RPH3A: variants seen among roughly 807,000 people sequenced by gnomAD.
RPH3A encodes the protein rabphilin-3A.
RPH3A carries 48 observed loss-of-function variants against 102.2 expected under a neutral mutation model. The ratio of observed to expected loss-of-function variants is 0.47; its 90% CI spans 0.37 to 0.60. The LOEUF (loss-of-function observed/expected upper bound fraction) is 0.60. RPH3A is among the 20% of genes least tolerant of loss of function. The pLI, the probability that RPH3A is intolerant of heterozygous loss-of-function variation, is 0.00. For missense variants in RPH3A, 781 were observed against 910.1 expected (o/e 0.86, Z 1.83); for synonymous variants, 310 against 324.3 (o/e 0.96, Z 0.47).
At position 112,876,701 on chromosome 12, in the gene RPH3A, G is replaced by C; in HGVS notation, c.1006G>C (p.Val336Leu). The change falls in exon 13 of 22, where the codon GTC (valine) becomes CTC (leucine). Residue 336 changes from valine (V) to leucine (L), a missense_variant. This residue lies in a region of RPH3A where 730 missense variants were observed against 810.0 expected (regional missense o/e 0.90). Coordinates refer to ENST00000389385, the MANE Select transcript of RPH3A (RefSeq NM_001143854.2). ...APPREERTGG[V>L]GGYPAVGARE... ...ACCCCGAGAGGAGAGAACAGGGGGAGTCGGGGGCTACCCAGCAGTTGGAGC... is the reference window on the plus strand; with the variant it reads ...ACCCCGAGAGGAGAGAACAGGGGGACTCGGGGGCTACCCAGCAGTTGGAGC... The C allele has an allele frequency of 3.1e-6, 5 of 1,613,612 alleles. No individual in the cohort carries two copies. The highest frequency in any genetic ancestry group is 4.2e-6 in the Non-Finnish European group (5 of 1,179,788).
chr12:112,590,243 C>T lies in RPH3A; in HGVS notation c.-140+14924C>T, dbSNP rs972837711. Among the ~76,000 whole-genome samples the T allele has an allele frequency of 5.9e-5, 9 of 152,288 alleles. No homozygotes were observed. In the East Asian group the frequency reaches 9.6e-4, roughly 16 times the overall value. On this transcript the variant is annotated intron_variant, in intron 1 of 21. Coordinates refer to the RPH3A transcript ENST00000543106. ...AGAGGCTCAGAGAGGACAACGGATT[C>T]GCCTAGGGTCACAGAGCCAGTGAGT...
intron 1 of RPH3A, among the ~76,000 whole-genome samples, chr12:112,648,602 A>C (rs2039951198): frequency 7.0e-6 from 1 of 143,448 alleles, no homozygotes; most frequent in African/African-American, 2.6e-5. Flanking sequence ...AAAAAAAGCT[A>C]GGTGTTGTGG....
At chr12:112,641,261 A>G (rs1181044552) in intron 1 of RPH3A, among the ~76,000 whole-genome samples, 1 of 152,140 alleles carries the variant, frequency 6.6e-6, no homozygotes, top group Non-Finnish European at 1.5e-5. Flanking sequence ...TTGTTTGCTA[A>G]TTTTGCTCCA....
chr12:112,823,220 A>G (rs752214221), intron 2 of RPH3A, among the ~76,000 whole-genome samples: 25 of 152,192 alleles, frequency 1.6e-4, no homozygotes, highest in Non-Finnish European at 3.7e-4. Context: ...GAACCCAACA[A>G]TCCAAAGCCC....
At chr12:112,874,536 G>A (rs1402708553) in intron 10 of RPH3A, among the ~76,000 whole-genome samples, 1 of 152,174 alleles carries the variant, frequency 6.6e-6, no homozygotes, top group Admixed American at 6.6e-5. Context: ...CCTCCATGGG[G>A]CATCTAAGGT....
At chr12:112,889,948 G>A (rs2136264732) in intron 17 of RPH3A, 76 bp from the exon 18 acceptor site, 2 of 1,317,736 alleles carry the variant, frequency 1.5e-6, no homozygotes, top group Non-Finnish European at 2.2e-6. Context: ...GAAGTATGAG[G>A]GGTTTCTGGT....
intron 1 of RPH3A, among the ~76,000 whole-genome samples, chr12:112,694,638 GCGCGCGCACA>G (rs1566262761): frequency 2.3e-4 from 25 of 108,978 alleles, no homozygotes; most frequent in Non-Finnish European, 5.2e-5. Flanking sequence ...ACGCACGCGC[GCGCGCGCACA>G]CGCACACACA....
At chr12:112,617,664 C>T (rs567746089) in intron 1 of RPH3A, 3 of 152,280 alleles carry the variant, frequency 2.0e-5, no homozygotes, top group African/African-American at 7.2e-5. Flanking sequence ...ATTTCTGCCT[C>T]GGAGACTTCC....
At chr12:112,662,474 A>T (rs1401317576) in intron 1 of RPH3A, among the ~76,000 whole-genome samples, 1 of 152,242 alleles carries the variant, frequency 6.6e-6, no homozygotes, top group Non-Finnish European at 1.5e-5. Context: ...TGTGTCTAAG[A>T]TCAAACAATG....
chr12:112,667,558 G>A (rs1274701621), intron 1 of RPH3A, among the ~76,000 whole-genome samples: 1 of 151,882 alleles, frequency 6.6e-6, no homozygotes, highest in African/African-American at 2.4e-5. Context: ...TATATATAAA[G>A]GGACTGATTA....
intron 2 of RPH3A, among the ~76,000 whole-genome samples, chr12:112,807,216 T>G (rs567035655): frequency 3.9e-5 from 6 of 152,100 alleles, no homozygotes; most frequent in Non-Finnish European, 8.8e-5. Flanking sequence ...CCATCCTGCC[T>G]GCAGTGCAGG....
chr12:112,890,843 A>G lies in RPH3A; in HGVS notation c.1621-6A>G, dbSNP rs778333559. ...AAGGCCCACACTGCCTTTTCCCCCAATGCAGCAGGTGGAGCGTGTTGGTGA... is the reference window on the plus strand; with the variant it reads ...AAGGCCCACACTGCCTTTTCCCCCAGTGCAGCAGGTGGAGCGTGTTGGTGA... On this transcript the variant is annotated splice_polypyrimidine_tract_variant and splice_region_variant and intron_variant, in intron 18 of 21. Transcript: ENST00000389385. 40 of 1,612,594 alleles carry G rather than the reference A, an allele frequency of 2.5e-5. No homozygotes were observed. The highest frequency in any genetic ancestry group is 3.3e-5 in the South Asian group (3 of 90,840).
intron 1 of RPH3A, among the ~76,000 whole-genome samples, chr12:112,786,555 G>A (rs890368964): frequency 6.6e-6 from 1 of 152,192 alleles, no homozygotes; most frequent in Non-Finnish European, 1.5e-5. Context: ...GGAGGAGGGA[G>A]TGAGGAAGGC....
intron 16 of RPH3A, among the ~76,000 whole-genome samples, chr12:112,885,391 A>T (rs1238981929): frequency 1.3e-5 from 2 of 152,218 alleles, no homozygotes; most frequent in African/African-American, 4.8e-5. Flanking sequence ...CCATTCTGGT[A>T]GGTGTGCACT....
intron 1 of RPH3A, among the ~76,000 whole-genome samples, chr12:112,729,313 G>T (rs926857402): frequency 6.6e-6 from 1 of 151,862 alleles, no homozygotes; most frequent in Non-Finnish European, 1.5e-5. Flanking sequence ...CAGTCCCCTC[G>T]CTGAGTCTAC....
intron 1 of RPH3A, among the ~76,000 whole-genome samples, chr12:112,713,016 C>A (rs1565857204): frequency 1.4e-5 from 1 of 74,048 alleles, no homozygotes; most frequent in Non-Finnish European, 2.6e-5. Flanking sequence ...TCTTCCTCTT[C>A]CTCTTCCTCT....
chr12:112,638,120 G>A (rs2039860539), intron 1 of RPH3A, among the ~76,000 whole-genome samples: 1 of 152,040 alleles, frequency 6.6e-6, no homozygotes, highest in Admixed American at 6.6e-5. Flanking sequence ...TAGTTCCCAT[G>A]AAAGCTGATT....
intron 3 of RPH3A, chr12:112,831,698 C>T (rs542882205): frequency 3.2e-5 from 14 of 444,400 alleles, no homozygotes; most frequent in South Asian, 2.2e-4. Context: ...TAAGCTCTCT[C>T]AGACTGTGTG....
At chr12:112,797,590 C>G (rs1413007423) in intron 2 of RPH3A, among the ~76,000 whole-genome samples, 1 of 152,114 alleles carries the variant, frequency 6.6e-6, no homozygotes, top group African/African-American at 2.4e-5. Context: ...CCCCAGGACT[C>G]AGTTTCTCAG....
Sources: allele counts gnomAD v4.1 joint callset (sites outside exome capture counted in the v4.1 genomes callset), GRCh38; gene constraint gnomAD v4.1.1; regional missense constraint gnomAD v4.1.1; transcripts MANE v1.5; gene names NCBI Gene and HGNC (gene_info 2026-07-23, HGNC 2026-07-21).